The following PAPOLA variants were observed in gnomAD, a reference collection of about 807,000 sequenced individuals.
The protein encoded by PAPOLA is polynucleotide adenylyltransferase alpha.
In PAPOLA, 15 loss-of-function variants were observed where a neutral mutation model predicts 100.6. That is an observed-to-expected ratio of 0.15 (90% CI 0.10 to 0.23). The LOEUF is 0.23. Ranked by LOEUF, PAPOLA falls within the 10% of genes least tolerant of loss-of-function variation. PAPOLA has a pLI of 1.00. For missense variants in PAPOLA, 533 were observed against 884.2 expected, an observed-to-expected ratio of 0.60 and a Z score of 5.04; for synonymous variants, 293 against 300.0, an observed-to-expected ratio of 0.98 and a Z score of 0.24.
In PAPOLA at chr14:96,555,934, T is replaced by G; in HGVS notation, c.1752T>G (p.Ser584Arg). ...TEVSVPQVNS[S>R]ESSGGTSSES... ...TTTCTGTGCCACAAGTAAATTCCAG[T>G]GAAAGCTCAGGGGGTAAGGAGATTG... Residue 584 changes from serine (S) to arginine (R), a missense_variant, in exon 18 of 22, where the codon AGT becomes AGG. Ser to Arg is a moderately radical substitution (Grantham distance 110, BLOSUM62 -1). This residue lies in a region of PAPOLA where 242 missense variants were observed against 281.0 expected (regional missense o/e 0.86). Transcript: ENST00000216277. The G allele has an allele frequency of 1.2e-6, 2 of 1,601,836 alleles. No homozygotes were observed. Among genetic ancestry groups the G allele is most frequent in the Non-Finnish European group, 1.7e-6 (2 of 1,168,908 alleles).
At chr14:96,531,408 GT>G in intron 6 of PAPOLA, 66 bp from the exon 7 acceptor site, 1 of 1,279,142 alleles carries the variant, frequency 7.8e-7, no homozygotes, top group Middle Eastern at 2.2e-4. Context: ...TTGTTTGTTT[GT>G]TTTTTCATAG....
chr14:96,547,320 A>G (rs536805724), intron 15 of PAPOLA, among the ~76,000 whole-genome samples: 68 of 152,266 alleles, frequency 4.5e-4, no homozygotes, highest in Non-Finnish European at 8.1e-4. Flanking sequence ...TATTTAAATT[A>G]TTACTATATT....
chr14:96,508,552 G>A (rs990670032), intron 1 of PAPOLA, among the ~76,000 whole-genome samples: 2 of 152,160 alleles, frequency 1.3e-5, no homozygotes, highest in African/African-American at 4.8e-5. Flanking sequence ...GCCAGTTCTG[G>A]CTTGATAACA....
At position 96,562,853 on chromosome 14, in the gene PAPOLA, C is replaced by T; in HGVS notation, c.2102C>T (p.Ser701Leu). ...GATACAGAGACAAGTACAACTCAAT[C>T]AGAAACTATTCAGACAGCGGCTTCT... ...QLDTETSTTQ[S>L]ETIQTAASLL... The change falls in exon 21 of 22, where the codon TCA (serine) becomes TTA (leucine). Residue 701 changes from serine (S) to leucine (L), a missense_variant. By Grantham distance (145) the Ser-to-Leu change is moderately radical (BLOSUM62 -2). Coordinates refer to ENST00000216277, the MANE Select transcript of PAPOLA (RefSeq NM_032632.5). The T allele has an allele frequency of 2.5e-6, 4 of 1,612,458 alleles. No individual in the cohort carries two copies. The highest frequency in any genetic ancestry group is 3.4e-6 in the Non-Finnish European group (4 of 1,178,856).
Position 96,565,712 on chromosome 14 carries a change from T to G in PAPOLA, c.*662T>G. On this transcript the variant is annotated 3_prime_UTR_variant, in exon 22 of 22. Transcript: ENST00000216277. ...TCATGATTAAGAAATGATATATTGG[T>G]TTTATTTATGGAATTGTTTTATAGT... 1 of 397,888 alleles carries G rather than the reference T, an allele frequency of 2.5e-6. No homozygotes were observed. Among genetic ancestry groups the G allele is most frequent in the Non-Finnish European group, 4.4e-6 (1 of 225,506 alleles). 24.6% of individuals were successfully genotyped at this position (397,888 alleles called of 1,614,324 possible).
At chr14:96,554,885 G>A (rs909469157) in intron 17 of PAPOLA, among the ~76,000 whole-genome samples, 1 of 152,010 alleles carries the variant, frequency 6.6e-6, no homozygotes, top group Non-Finnish European at 1.5e-5. Context: ...GGAAAGAATA[G>A]GGGTTAATTA....
chr14:96,565,275 T>A lies in PAPOLA; in HGVS notation c.*225T>A, dbSNP rs981317433. ...TGTTAGCAACAGTTGCATTAACTAT[T>A]TCAAAAATTACTGCCTTTAAAAAAA... is the stretch of plus-strand genomic sequence containing the variant. On this transcript the variant is annotated 3_prime_UTR_variant, in exon 22 of 22. Transcript: ENST00000216277. 46 of 412,650 alleles carry A rather than the reference T, an allele frequency of 1.1e-4. No homozygotes were observed. The highest frequency in any genetic ancestry group is 8.5e-4 in the African/African-American group (43 of 50,544). 25.6% of individuals were successfully genotyped at this position (412,650 alleles called of 1,614,324 possible).
intron 5 of PAPOLA, 200 bp downstream of exon 5, chr14:96,527,739 C>A (rs1676175476): frequency 1.6e-6 from 1 of 608,820 alleles, no homozygotes; most frequent in Non-Finnish European, 2.9e-6. Context: ...GAAATTGAGG[C>A]AAACAAAATA....
intron 12 of PAPOLA, chr14:96,541,884 A>G (rs527385178): frequency 6.1e-5 from 10 of 162,790 alleles, no homozygotes; most frequent in Admixed American, 3.0e-4. Flanking sequence ...TTTTGATTCT[A>G]TTGAAACATT....
chr14:96,564,854 C>T, intron 21 of PAPOLA, 101 bp from the exon 22 acceptor site: 1 of 674,626 alleles, frequency 1.5e-6, no homozygotes, highest in Non-Finnish European at 2.7e-6. Context: ...TAATACTTTT[C>T]TTCTTAGAAG....
chr14:96,546,952 T>C (rs1470054401), intron 15 of PAPOLA, among the ~76,000 whole-genome samples: 2 of 152,148 alleles, frequency 1.3e-5, no homozygotes, highest in African/African-American at 4.8e-5. Context: ...TCAGCTTACA[T>C]CCTCATGTTC....
chr14:96,527,056 A>C (rs1387058136), intron 4 of PAPOLA: 1 of 170,940 alleles, frequency 5.9e-6, no homozygotes, highest in Non-Finnish European at 1.2e-5. Context: ...ATAAGCACCA[A>C]ATACGTAGTA....
chr14:96,521,130 A>G (rs1897928110), intron 3 of PAPOLA, 58 bp downstream of exon 3: 9 of 810,364 alleles, frequency 1.1e-5, no homozygotes, highest in Middle Eastern at 6.1e-4. Context: ...GAACACAGCA[A>G]GTGTCTTATA....
At chr14:96,517,384 C>T (rs76592159) in intron 1 of PAPOLA, among the ~76,000 whole-genome samples, 67 of 152,016 alleles carry the variant, frequency 4.4e-4, no homozygotes, top group African/African-American at 1.5e-3. Flanking sequence ...TCTCAGGTTG[C>T]GTGCTCTTAT....
At position 96,536,854 on chromosome 14, in the gene PAPOLA, A is replaced by G. The variant is rs1192769729; in HGVS notation, c.1031-122A>G. ...GTATGCTCTAAAATCATAAGCTAAA[A>G]CTATATATGTTAAAATTCTGGTTTT... On this transcript the variant is annotated intron_variant, in intron 11 of 21. Transcript: ENST00000216277. The G allele has an allele frequency of 6.4e-6, 4 of 624,894 alleles. No individual in the cohort carries two copies. In the African/African-American group the frequency reaches 7.4e-5, roughly 12 times the overall value. 38.7% of individuals were successfully genotyped at this position (624,894 alleles called of 1,614,324 possible).
At chr14:96,505,456 A>G (rs1249732073) in intron 1 of PAPOLA, among the ~76,000 whole-genome samples, 1 of 152,230 alleles carries the variant, frequency 6.6e-6, no homozygotes, top group African/African-American at 2.4e-5. Context: ...TATCACACAT[A>G]TGATAAAAAG....
intron 1 of PAPOLA, among the ~76,000 whole-genome samples, chr14:96,517,866 A>G (rs762364503): frequency 1.3e-5 from 2 of 151,990 alleles, no homozygotes; most frequent in Non-Finnish European, 2.9e-5. Context: ...ACACCTGGCT[A>G]ATTTTTGTAT....
rs35388599 is a variant in PAPOLA at position 96,523,945 on chromosome 14, GA to G, written c.250-1348del. 4.2e-3 allele frequency among the ~76,000 whole-genome samples: 486 copies of G among 116,018 alleles called. 2 individuals are homozygous for G. The highest frequency in any genetic ancestry group is 0.013 in the East Asian group (50 of 3,966). The allele number at this position is 116,018 out of a possible 152,430, so 76.1% of individuals were successfully genotyped here. A position where few individuals can be genotyped will look rare whatever the true frequency, so the allele number is the denominator to read the frequency against. On this transcript the variant is annotated intron_variant, in intron 3 of 21. Transcript: ENST00000216277. Reference sequence around the variant, plus strand: ...GGTGACAGAGCGAGACTCTGTCTCAGAAAAAAAAAAAAAAAAATTACACACA... The same window carrying G: ...GGTGACAGAGCGAGACTCTGTCTCAGAAAAAAAAAAAAAAAATTACACACA...
At chr14:96,532,036 T>C in intron 7 of PAPOLA, 1 of 1,262,334 alleles carries the variant, frequency 7.9e-7, no homozygotes, top group Non-Finnish European at 9.9e-7. Context: ...GCAGTATATG[T>C]GGGAAGTTTT....
Sources: allele counts gnomAD v4.1 joint callset (sites outside exome capture counted in the v4.1 genomes callset), GRCh38; gene constraint gnomAD v4.1.1; regional missense constraint gnomAD v4.1.1; transcripts MANE v1.5; gene names NCBI Gene and HGNC (gene_info 2026-07-23, HGNC 2026-07-21).